Variants in QTMAN observed in about 807,000 individuals in gnomAD.
QTMAN encodes tRNA-queuosine alpha-mannosyltransferase.
the QTMAN span, among the ~76,000 whole-genome samples, chr2:144,157,277 G>A: frequency 6.6e-6 from 1 of 151,960 alleles, no homozygotes; most frequent in Non-Finnish European, 1.5e-5. Flanking sequence ...GACTCTTAAT[G>A]ATATCCGAAT....
At chr2:144,038,547 C>T in the QTMAN span, among the ~76,000 whole-genome samples, 8 of 152,262 alleles carry the variant, frequency 5.3e-5, no homozygotes, top group South Asian at 6.2e-4. Flanking sequence ...GAAGCAACTA[C>T]GGTATACCCA....
the QTMAN span, among the ~76,000 whole-genome samples, chr2:144,131,093 A>G: frequency 6.6e-6 from 1 of 151,974 alleles, no homozygotes; most frequent in Non-Finnish European, 1.5e-5. Flanking sequence ...GAGCAGTATC[A>G]AGTATGTCAA....
the QTMAN span, among the ~76,000 whole-genome samples, chr2:144,118,708 C>T: frequency 2.6e-5 from 4 of 151,994 alleles, no homozygotes; most frequent in African/African-American, 7.2e-5. Context: ...ATGGAAACCC[C>T]GTCTCTGCTA....
the QTMAN span, among the ~76,000 whole-genome samples, chr2:144,234,979 G>T: frequency 6.6e-6 from 1 of 152,190 alleles, no homozygotes; most frequent in Non-Finnish European, 1.5e-5. Flanking sequence ...CAGGTACAAT[G>T]ATTTACTTTG....
the QTMAN span, among the ~76,000 whole-genome samples, chr2:144,048,117 G>C: frequency 1.3e-5 from 2 of 152,168 alleles, no homozygotes; most frequent in African/African-American, 4.8e-5. Flanking sequence ...CACCAGATTA[G>C]CTGCTGAAAA....
At chr2:144,330,552 C>T in the QTMAN span, among the ~76,000 whole-genome samples, 18 of 152,248 alleles carry the variant, frequency 1.2e-4, no homozygotes, top group Middle Eastern at 3.4e-3. Flanking sequence ...AAGATAATTG[C>T]TAATTCAAAA....
chr2:144,188,127 A>C, the QTMAN span, among the ~76,000 whole-genome samples: 1 of 152,224 alleles, frequency 6.6e-6, no homozygotes, highest in Non-Finnish European at 1.5e-5. Context: ...GAACTGTGAG[A>C]GAATAAATTC....
the QTMAN span, chr2:144,146,017 A>AAAAAC: frequency 9.9e-6 from 2 of 202,170 alleles, no homozygotes; most frequent in Non-Finnish European, 1.9e-5. Flanking sequence ...AAAAAAAAAA[A>AAAAAC]AGCCGGATGG....
At chr2:144,231,320 A>T in the QTMAN span, among the ~76,000 whole-genome samples, 1 of 152,296 alleles carries the variant, frequency 6.6e-6, no homozygotes, top group Admixed American at 6.5e-5. Flanking sequence ...TTGACATTCA[A>T]ATGAAATGAA....
chr2:143,995,371 T>C, the QTMAN span, among the ~76,000 whole-genome samples: 1 of 152,154 alleles, frequency 6.6e-6, no homozygotes, highest in African/African-American at 2.4e-5. Context: ...TAAGAGACAG[T>C]GGGCAAAAGT....
the QTMAN span, among the ~76,000 whole-genome samples, chr2:144,331,760 C>G: frequency 6.6e-6 from 1 of 152,054 alleles, no homozygotes; most frequent in Admixed American, 6.5e-5. Context: ...GTCTGGATCC[C>G]GATGAAAATG....
chr2:144,081,570 T>G, the QTMAN span, among the ~76,000 whole-genome samples: 2 of 151,964 alleles, frequency 1.3e-5, no homozygotes, highest in Non-Finnish European at 2.9e-5. Flanking sequence ...ATGGAAATAC[T>G]CAGCCTCTAC....
the QTMAN span, among the ~76,000 whole-genome samples, chr2:144,072,878 T>C: frequency 6.6e-6 from 1 of 152,190 alleles, no homozygotes; most frequent in Non-Finnish European, 1.5e-5. Flanking sequence ...CACTTTATTA[T>C]TCCTGCAAAG....
chr2:144,064,057 G>A, the QTMAN span, among the ~76,000 whole-genome samples: 1 of 151,730 alleles, frequency 6.6e-6, no homozygotes, highest in Non-Finnish European at 1.5e-5. Flanking sequence ...TTCAGTCTTC[G>A]AGCATAAATA....
At chr2:144,250,751 GA>G in the QTMAN span, among the ~76,000 whole-genome samples, 16,287 of 67,118 alleles carry the variant, frequency 0.24, 1,267 homozygotes, top group African/African-American at 0.4. Context: ...CTTTAAGGCC[GA>G]AAAAAAAAAA....
chr2:144,003,688 C>A, the QTMAN span, among the ~76,000 whole-genome samples: 2 of 152,034 alleles, frequency 1.3e-5, no homozygotes, highest in Non-Finnish European at 2.9e-5. Flanking sequence ...GCAAGCATTG[C>A]ATTTAAGGGC....
At chr2:144,309,335 T>C in the QTMAN span, among the ~76,000 whole-genome samples, 1 of 151,522 alleles carries the variant, frequency 6.6e-6, no homozygotes, top group Non-Finnish European at 1.5e-5. Flanking sequence ...GTAGTGTCAT[T>C]CACTATAGGC....
At chr2:144,246,217 C>T in the QTMAN span, among the ~76,000 whole-genome samples, 11 of 152,172 alleles carry the variant, frequency 7.2e-5, no homozygotes, top group Non-Finnish European at 1.3e-4. Context: ...ATTCATTTTG[C>T]CTGCCATAAG....
At chr2:144,011,630 T>G in the QTMAN span, 1 of 974,372 alleles carries the variant, frequency 1.0e-6, no homozygotes, top group Non-Finnish European at 1.2e-6. Context: ...AATAAACTGT[T>G]CTATGCTAGT....
Sources: gnomAD v4.1 joint callset for allele counts (sites outside exome capture counted in the v4.1 genomes callset) on GRCh38, gnomAD v4.1.1 for gene constraint, MANE v1.5 for transcripts, NCBI Gene and HGNC (gene_info 2026-07-23, HGNC 2026-07-21) for gene names.